Variants in SNTG1 observed in about 807,000 individuals in gnomAD.
SNTG1 encodes the protein gamma-1-syntrophin.
In SNTG1, 39 loss-of-function variants were observed where a neutral mutation model predicts 74.7. That is an observed-to-expected ratio of 0.52 (90% CI 0.40 to 0.68). The LOEUF is 0.68. Among genes scored for constraint, SNTG1 ranks in the 30% least tolerant of loss-of-function variants. The pLI, the probability that SNTG1 is intolerant of heterozygous loss-of-function variation, is 0.00. For synonymous variants in SNTG1, 254 were observed against 217.1 expected (o/e 1.17, Z -1.49); for missense variants, 685 against 609.5 (o/e 1.12, Z -1.30).
At chr8:49,910,817 C>A (rs770443699), upstream of SNTG1, 1 of 152,248 alleles carries the variant, frequency 6.6e-6, no homozygotes, top group African/African-American at 2.4e-5. Flanking sequence ...CAGAGATTGT[C>A]GAGCCCTCTG....
chr8:50,151,375 C>A (rs932135908), intron 1 of SNTG1, among the ~76,000 whole-genome samples: 1 of 152,048 alleles, frequency 6.6e-6, no homozygotes, highest in Non-Finnish European at 1.5e-5. Context: ...CCCGGTTTCA[C>A]TGATTTTTTT....
chr8:50,268,661 T>A (rs1320827115), intron 2 of SNTG1, among the ~76,000 whole-genome samples: 1 of 151,488 alleles, frequency 6.6e-6, no homozygotes, highest in Non-Finnish European at 1.5e-5. Context: ...TCAATTTTTT[T>A]TTTTTTTAAT....
intron 17 of SNTG1, among the ~76,000 whole-genome samples, chr8:50,728,141 G>A (rs1421500493): frequency 1.3e-5 from 2 of 152,080 alleles, no homozygotes; most frequent in Admixed American, 1.3e-4. Flanking sequence ...TACCTGCCAG[G>A]GACACAGAAC....
chr8:50,096,907 A>G (rs2079949434), intron 1 of SNTG1, among the ~76,000 whole-genome samples: 1 of 152,166 alleles, frequency 6.6e-6, no homozygotes, highest in South Asian at 2.1e-4. Context: ...GTGTTACTCA[A>G]AAAGTAGCAT....
chr8:50,330,802 G>A (rs2090933028), intron 2 of SNTG1, among the ~76,000 whole-genome samples: 2 of 152,064 alleles, frequency 1.3e-5, no homozygotes, highest in Non-Finnish European at 2.9e-5. Context: ...TGGGGAGGAG[G>A]AACTGACAAA....
intron 1 of SNTG1, among the ~76,000 whole-genome samples, chr8:50,007,153 T>C (rs1815315938): frequency 6.6e-6 from 1 of 152,132 alleles, no homozygotes; most frequent in Non-Finnish European, 1.5e-5. Context: ...GGTGGGACTC[T>C]ATTTCCACAC....
intron 15 of SNTG1, among the ~76,000 whole-genome samples, chr8:50,679,235 A>G (rs1323381628): frequency 3.9e-5 from 6 of 152,058 alleles, no homozygotes; most frequent in Non-Finnish European, 8.8e-5. Flanking sequence ...TTCATTATGT[A>G]CTAAGTATTA....
At chr8:50,789,976 T>C (rs1350641582) in intron 18 of SNTG1, among the ~76,000 whole-genome samples, 1 of 151,984 alleles carries the variant, frequency 6.6e-6, no homozygotes, top group East Asian at 1.9e-4. Context: ...AATGTCCCTA[T>C]CTCTGGGCCT....
chr8:50,387,510 A>G (rs977738196), intron 2 of SNTG1, among the ~76,000 whole-genome samples: 2 of 151,966 alleles, frequency 1.3e-5, no homozygotes, highest in Non-Finnish European at 2.9e-5. Flanking sequence ...TTTTTGGTCC[A>G]TGTTTAAACC....
chr8:50,556,806 A>G lies in SNTG1; in HGVS notation c.810+3627A>G, dbSNP rs149425365. ...CACCTTCCATGTGCGTTGGCTCCAT[A>G]GTGAGCTCTGAAGCAGACACTTCTC... On this transcript the variant is annotated intron_variant, in intron 12 of 18. Transcript: ENST00000642720. Among the ~76,000 whole-genome samples, 417 of 152,258 alleles carry G rather than the reference A, an allele frequency of 2.7e-3. 5 individuals carry two copies. Among genetic ancestry groups the G allele is most frequent in the South Asian group, 0.016 (77 of 4,820 alleles).
intron 4 of SNTG1, among the ~76,000 whole-genome samples, chr8:50,434,135 C>A (rs571377743): frequency 6.7e-6 from 1 of 150,130 alleles, no homozygotes; most frequent in Non-Finnish European, 1.5e-5. Flanking sequence ...TGAGAACATG[C>A]GGTGTTTGGT....
chr8:50,507,807 T>G (rs2094021621), intron 9 of SNTG1, among the ~76,000 whole-genome samples: 1 of 151,854 alleles, frequency 6.6e-6, no homozygotes, highest in African/African-American at 2.4e-5. Flanking sequence ...TAACATTAGG[T>G]GTATCTCCTA....
chr8:50,344,278 AAAAAATAGCGGCTT>A lies in SNTG1; in HGVS notation c.-27-49929_-27-49916del, dbSNP rs577605692. Among the ~76,000 whole-genome samples, 96 of 152,348 alleles carry A rather than the reference AAAAAATAGCGGCTT, an allele frequency of 6.3e-4. 1 individual carries two copies. The highest frequency in any genetic ancestry group is 1.9e-3 in the African/African-American group (78 of 41,582). ...AAATGGCTTTGTTAAAAATTACACA[AAAAAATAGCGGCTT>A]AAAACAACGAGAAGATTTATTTAGC... On this transcript the variant is annotated intron_variant, in intron 2 of 18. Coordinates refer to ENST00000642720, the MANE Select transcript of SNTG1 (RefSeq NM_018967.5).
chr8:50,750,914 A>G (rs185509381), intron 17 of SNTG1, among the ~76,000 whole-genome samples: 4 of 151,986 alleles, frequency 2.6e-5, no homozygotes, highest in Non-Finnish European at 5.9e-5. Flanking sequence ...ATATACCCCG[A>G]GGTATGCCCG....
At chr8:50,141,119 G>A (rs750646251) in intron 1 of SNTG1, among the ~76,000 whole-genome samples, 2 of 152,142 alleles carry the variant, frequency 1.3e-5, no homozygotes, top group Non-Finnish European at 2.9e-5. Context: ...TCCAGGTTTC[G>A]CTGATTATGA....
intron 2 of SNTG1, among the ~76,000 whole-genome samples, chr8:50,371,836 G>A (rs78785955): frequency 3.9e-5 from 6 of 152,054 alleles, no homozygotes; most frequent in African/African-American, 1.4e-4. Context: ...AATCAATTTT[G>A]TGTAAGTATA....
chr8:50,392,268 T>G (rs1442085851), intron 2 of SNTG1, among the ~76,000 whole-genome samples: 24 of 152,186 alleles, frequency 1.6e-4, no homozygotes, highest in Admixed American at 1.2e-3. Context: ...TTGATTGTGA[T>G]TTATGAATCA....
intron 1 of SNTG1, among the ~76,000 whole-genome samples, chr8:50,098,878 A>T (rs1481083230): frequency 6.6e-6 from 1 of 152,136 alleles, no homozygotes; most frequent in Non-Finnish European, 1.5e-5. Context: ...ATAACCTAGC[A>T]AAGAAGACAG....
chr8:50,572,023 C>T (rs2094551638), intron 12 of SNTG1, among the ~76,000 whole-genome samples: 1 of 152,104 alleles, frequency 6.6e-6, no homozygotes, highest in African/African-American at 2.4e-5. Flanking sequence ...TTATAGAATA[C>T]TGGCTAATAA....
Sources: gnomAD v4.1 joint callset for allele counts (sites outside exome capture counted in the v4.1 genomes callset) on GRCh38, gnomAD v4.1.1 for gene constraint, MANE v1.5 for transcripts, NCBI Gene and HGNC (gene_info 2026-07-23, HGNC 2026-07-21) for gene names.